CNTLN: variants seen among roughly 807,000 people sequenced by gnomAD.
CNTLN encodes centlein, also known as centlein, centrosomal protein.
In CNTLN, 212 loss-of-function variants were observed where a neutral mutation model predicts 180.0. The observed-to-expected ratio is 1.18, with a 90% CI of 1.05 to 1.32. The LOEUF is 1.32. Among genes scored for constraint, CNTLN ranks in the 40% most tolerant of loss-of-function variants. The pLI is 0.00. For synonymous variants in CNTLN, 722 were observed against 563.1 expected (o/e 1.28, Z -3.99); for missense variants, 2,095 against 1,610.9 (o/e 1.30, Z -5.14).
At position 17,262,020 on chromosome 9, in the gene CNTLN, A is replaced by G. The variant is rs539860017; in HGVS notation, c.850-11713A>G. On this transcript the variant is annotated intron_variant, in intron 5 of 25. Coordinates refer to ENST00000380647, the MANE Select transcript of CNTLN (RefSeq NM_017738.4). Reference sequence around the variant, plus strand: ...TAGAGAAATGCATATCAAAACCACTATGAGATACCATCTCACGCCAGTTAG... The same window carrying G: ...TAGAGAAATGCATATCAAAACCACTGTGAGATACCATCTCACGCCAGTTAG... 2.6e-5 allele frequency among the ~76,000 whole-genome samples: 4 copies of G among 151,714 alleles called. No homozygotes were observed. The East Asian group carries it at 7.7e-4, about 29-fold the overall frequency.
At chr9:17,334,910 T>TTA (rs369849267) in intron 10 of CNTLN, among the ~76,000 whole-genome samples, 41 of 122,586 alleles carry the variant, frequency 3.3e-4, no homozygotes, top group African/African-American at 9.7e-4. Context: ...AATCTAAAAT[T>TTA]AAAAAAAAAA....
chr9:17,391,712 T>G (rs1462538530), intron 14 of CNTLN, among the ~76,000 whole-genome samples: 1 of 152,212 alleles, frequency 6.6e-6, no homozygotes, highest in East Asian at 1.9e-4. Context: ...TTCAGACTAT[T>G]CAGCACAAGT....
At chr9:17,512,738 T>C in the CNTLN span, among the ~76,000 whole-genome samples, 19 of 152,330 alleles carry the variant, frequency 1.2e-4, no homozygotes, top group Non-Finnish European at 2.1e-4. Context: ...CAGAATCTGA[T>C]AAGATTAGTT....
At chr9:17,163,894 C>T (rs1819861195) in intron 2 of CNTLN, among the ~76,000 whole-genome samples, 2 of 151,392 alleles carry the variant, frequency 1.3e-5, no homozygotes, top group East Asian at 1.9e-4. Flanking sequence ...TGGTGCACAT[C>T]TATAGTTTCA....
chr9:17,319,157 G>A (rs1031068207), intron 8 of CNTLN, among the ~76,000 whole-genome samples: 1 of 152,218 alleles, frequency 6.6e-6, no homozygotes. Context: ...GGGCTTTCTG[G>A]TTTCTTGTCA....
intron 12 of CNTLN, among the ~76,000 whole-genome samples, chr9:17,364,078 T>TAA (rs1823613281): frequency 6.6e-6 from 1 of 152,148 alleles, no homozygotes; most frequent in Non-Finnish European, 1.5e-5. Context: ...CACTAAGACA[T>TAA]TTTTAAGTGT....
At chr9:17,166,537 C>T (rs1457155877) in intron 2 of CNTLN, among the ~76,000 whole-genome samples, 1 of 152,148 alleles carries the variant, frequency 6.6e-6, no homozygotes, top group East Asian at 1.9e-4. Context: ...TATTGCAAGG[C>T]ACATTATTAT....
chr9:17,284,344 C>A (rs1828846957), intron 6 of CNTLN, among the ~76,000 whole-genome samples: 1 of 152,134 alleles, frequency 6.6e-6, no homozygotes, highest in African/African-American at 2.4e-5. Flanking sequence ...ATGGTACTAG[C>A]TCCTGTTTGC....
intron 14 of CNTLN, among the ~76,000 whole-genome samples, chr9:17,392,327 C>T (rs1442112298): frequency 1.3e-5 from 2 of 152,136 alleles, no homozygotes; most frequent in African/African-American, 2.4e-5. Context: ...ATGTTTTACT[C>T]ACTCCCCTTT....
intron 2 of CNTLN, among the ~76,000 whole-genome samples, chr9:17,175,855 T>G (rs1275049534): frequency 1.3e-5 from 2 of 152,178 alleles, no homozygotes; most frequent in East Asian, 3.8e-4. Context: ...ACCTATGTAT[T>G]TAAACTTTTT....
intron 8 of CNTLN, among the ~76,000 whole-genome samples, chr9:17,326,214 T>G (rs1308412536): frequency 1.3e-5 from 2 of 152,108 alleles, no homozygotes; most frequent in Non-Finnish European, 2.9e-5. Context: ...CACGAATCAT[T>G]TTTCTTCAGA....
intron 18 of CNTLN, among the ~76,000 whole-genome samples, chr9:17,430,649 C>T (rs996723778): frequency 6.6e-6 from 1 of 151,952 alleles, no homozygotes; most frequent in Non-Finnish European, 1.5e-5. Context: ...AGAACTTATT[C>T]CTTCTATGTA....
intron 3 of CNTLN, among the ~76,000 whole-genome samples, chr9:17,234,715 C>T (rs575105872): frequency 1.3e-5 from 2 of 151,860 alleles, no homozygotes; most frequent in South Asian, 4.2e-4. Context: ...GTGTCTCTTT[C>T]TTGGTTGACA....
At chr9:17,498,549 T>C (rs1335290478) in intron 25 of CNTLN, among the ~76,000 whole-genome samples, 1 of 152,188 alleles carries the variant, frequency 6.6e-6, no homozygotes, top group Non-Finnish European at 1.5e-5. Flanking sequence ...AGACTACCTA[T>C]AGACCGAGGC....
chr9:17,204,060 G>A (rs890065165), intron 2 of CNTLN, among the ~76,000 whole-genome samples: 6 of 152,134 alleles, frequency 3.9e-5, no homozygotes, highest in African/African-American at 1.4e-4. Flanking sequence ...AGCAGTTTTT[G>A]TAACCTTTTA....
At chr9:17,425,381 C>T (rs944903800) in intron 18 of CNTLN, among the ~76,000 whole-genome samples, 2 of 152,126 alleles carry the variant, frequency 1.3e-5, no homozygotes, top group Non-Finnish European at 2.9e-5. Context: ...CAACAAGACA[C>T]CTGGCATCTG....
chr9:17,328,203 G>C (rs10810759), intron 8 of CNTLN, among the ~76,000 whole-genome samples: 34,487 of 151,996 alleles, frequency 0.23, 4,206 homozygotes, highest in South Asian at 0.37. Flanking sequence ...AGCATAATTA[G>C]AAGTAAATTA....
intron 2 of CNTLN, among the ~76,000 whole-genome samples, chr9:17,186,560 T>A (rs115105271): frequency 2.9e-3 from 436 of 152,302 alleles, no homozygotes; most frequent in African/African-American, 9.7e-3. Flanking sequence ...TGTAGTTTAA[T>A]AGTAGGTGCT....
chr9:17,321,194 A>G (rs901894809), intron 8 of CNTLN, among the ~76,000 whole-genome samples: 7 of 152,328 alleles, frequency 4.6e-5, no homozygotes, highest in South Asian at 2.1e-4. Flanking sequence ...AATGAGTGCT[A>G]TACAATATTC....
Sources: allele counts gnomAD v4.1 joint callset (sites outside exome capture counted in the v4.1 genomes callset), GRCh38; gene constraint gnomAD v4.1.1; transcripts MANE v1.5; gene names NCBI Gene and HGNC (gene_info 2026-07-23, HGNC 2026-07-21).